Variants in TG observed in about 807,000 individuals in gnomAD.
The protein encoded by TG is thyroid hormones.
Under a neutral mutation model 324.7 loss-of-function variants are expected in TG, and 270 were observed. The ratio of observed to expected loss-of-function variants is 0.83; its 90% CI spans 0.75 to 0.92. The LOEUF (loss-of-function observed/expected upper bound fraction) is 0.92, where lower values mean the gene tolerates loss of function less well. Among genes scored for constraint, TG ranks in the 40% least tolerant of loss-of-function variants. The pLI, the probability that TG is intolerant of heterozygous loss-of-function variation, is 0.00. For missense variants in TG, 3,591 were observed against 3,456.4 expected (o/e 1.04, Z -0.98); for synonymous variants, 1,401 against 1,327.0 (o/e 1.06, Z -1.21).
chr8:133,066,909 C>A (rs1843112938), intron 41 of TG, among the ~76,000 whole-genome samples: 1 of 152,298 alleles, frequency 6.6e-6, no homozygotes, highest in Non-Finnish European at 1.5e-5. Flanking sequence ...CAAGCTTGAG[C>A]AAGTACCTTC....
At chr8:133,020,894 C>A (rs148730552) in intron 39 of TG, among the ~76,000 whole-genome samples, 1 of 152,108 alleles carries the variant, frequency 6.6e-6, no homozygotes, top group African/African-American at 2.4e-5. Context: ...TGAGGGGGCC[C>A]CTTTGTAGAA....
At position 132,929,034 on chromosome 8, in the gene TG, C is replaced by T. The variant is rs773631821; in HGVS notation, c.4700-42C>T. 8.4e-6 allele frequency: 13 copies of T among 1,540,886 alleles called. No individual in the cohort carries two copies. The East Asian group carries it at 2.5e-4, about 29-fold the overall frequency. The stretch of plus-strand genomic sequence containing the variant: ...TTATGGCTTCTCTGCAGATGCCCTA[C>T]ACCCTTCTGAGTCAGATTTACTAAA... On this transcript the variant is annotated intron_variant, in intron 22 of 47. Transcript: ENST00000220616.
At position 133,031,688 on chromosome 8, in the gene TG, C is replaced by T. The variant is rs11779877; in HGVS notation, c.7239+1665C>T. Among the ~76,000 whole-genome samples, 8 of 152,292 alleles carry T rather than the reference C, an allele frequency of 5.3e-5. No individual in the cohort carries two copies. The East Asian group carries it at 1.4e-3, about 26-fold the overall frequency. On this transcript the variant is annotated intron_variant, in intron 41 of 47. Transcript: ENST00000220616. ...TGTCATTGTTTGGGCGCAACTGATG[C>T]TAGGTCAGCATTGTCACCATTGCCA...
intron 10 of TG, among the ~76,000 whole-genome samples, chr8:132,892,773 A>C (rs1816414107): frequency 6.7e-6 from 1 of 149,070 alleles, no homozygotes; most frequent in Non-Finnish European, 1.5e-5. Flanking sequence ...TGGTATGTGC[A>C]TAGGTGTGTG....
intron 46 of TG, among the ~76,000 whole-genome samples, chr8:133,133,035 C>G (rs866171175): frequency 2.0e-5 from 3 of 152,146 alleles, no homozygotes; most frequent in African/African-American, 4.8e-5. Flanking sequence ...GCCTTTATCC[C>G]AACAGGTCTG....
intron 34 of TG, among the ~76,000 whole-genome samples, chr8:132,979,299 A>C (rs539580858): frequency 6.6e-6 from 1 of 152,350 alleles, no homozygotes; most frequent in East Asian, 1.9e-4. Flanking sequence ...CATTGTCTGC[A>C]AGTGGGGCAA....
Position 132,871,567 on chromosome 8 carries a change from C to T in TG, c.478+16C>T, listed in dbSNP as rs76266882. ...CCAAAGCGATGTGAGTTTCACTGAG[C>T]GCCTGCACCCCTAGAGCTGGGGAGG... On this transcript the variant is annotated intron_variant, in intron 4 of 47. Transcript: ENST00000220616. 9,753 of 1,610,676 alleles carry T rather than the reference C, an allele frequency of 6.1e-3. 243 individuals carry two copies. In the East Asian group the frequency reaches 0.081, roughly 13 times the overall value.
intron 23 of TG, among the ~76,000 whole-genome samples, chr8:132,929,598 C>T (rs1040376691): frequency 6.9e-6 from 1 of 144,418 alleles, no homozygotes; most frequent in Non-Finnish European, 1.5e-5. Flanking sequence ...CCATTGCTAT[C>T]CTGAGTTACA....
chr8:132,956,426 G>A (rs1375367745), intron 27 of TG, among the ~76,000 whole-genome samples: 1 of 152,172 alleles, frequency 6.6e-6, no homozygotes, highest in African/African-American at 2.4e-5. Flanking sequence ...GAAGATCTCT[G>A]AATACTGCAA....
intron 14 of TG, among the ~76,000 whole-genome samples, chr8:132,899,487 G>T (rs1159043705): frequency 6.6e-6 from 1 of 152,214 alleles, no homozygotes; most frequent in South Asian, 2.1e-4. Context: ...CACCCACTCT[G>T]CTCAGCTTCC....
chr8:133,040,142 A>G (rs1564103289), intron 41 of TG: 3 of 1,577,632 alleles, frequency 1.9e-6, no homozygotes, highest in East Asian at 4.6e-5. Context: ...TGAGGAGGGA[A>G]GCAGACAGCC....
intron 41 of TG, among the ~76,000 whole-genome samples, chr8:133,045,893 C>T (rs1414402397): frequency 6.6e-6 from 1 of 152,198 alleles, no homozygotes; most frequent in African/African-American, 2.4e-5. Context: ...TGCCACAGCA[C>T]ACATTTGAGG....
intron 41 of TG, chr8:133,037,571 A>G (rs1837318159): frequency 6.6e-6 from 1 of 150,886 alleles, no homozygotes; most frequent in African/African-American, 2.4e-5. Flanking sequence ...CTTTTTACAC[A>G]TTTGTTTATA....
intron 43 of TG, among the ~76,000 whole-genome samples, chr8:133,096,849 A>C (rs1848495105): frequency 6.6e-6 from 1 of 152,250 alleles, no homozygotes; most frequent in Non-Finnish European, 1.5e-5. Context: ...TGCACCTGGC[A>C]AACACGCAGC....
In TG at chr8:133,017,966, T is replaced by G. The variant is rs1342751413; in HGVS notation, c.6751T>G (p.Trp2251Gly). 4 of 1,614,054 alleles carry G rather than the reference T, an allele frequency of 2.5e-6. No homozygotes were observed. The African/African-American group carries it at 4.0e-5, about 16-fold the overall frequency. ...RRFQAPEPLNWTGSWDASKPR... is the reference protein window; with the variant it reads ...RRFQAPEPLNGTGSWDASKPR... ...CTTCCAGGCACCAGAGCCCTTGAAC[T>G]GGACAGGCTCCTGGGATGCCAGCAA... Residue 2251 changes from tryptophan (W) to glycine (G), a missense_variant, in exon 38 of 48, where the codon TGG (tryptophan) becomes GGG (glycine). Physicochemically the swap from Trp to Gly is radical, Grantham distance 184. Coordinates refer to ENST00000220616, the MANE Select transcript of TG (RefSeq NM_003235.5).
intron 43 of TG, among the ~76,000 whole-genome samples, chr8:133,106,690 C>A (rs1270339217): frequency 6.6e-6 from 1 of 152,186 alleles, no homozygotes; most frequent in East Asian, 1.9e-4. Flanking sequence ...CCCTCACTGC[C>A]CAGCACCCCC....
At position 132,894,443 on chromosome 8, in the gene TG, T is replaced by C. The variant is rs577480599; in HGVS notation, c.3001+514T>C. Among the ~76,000 whole-genome samples the C allele has an allele frequency of 2.2e-4, 33 of 151,494 alleles. 1 individual carries two copies. The East Asian group carries it at 6.2e-3, about 29-fold the overall frequency. Reference sequence around the variant, plus strand: ...GAGCCTGCAGTCCTCTGGTCTATAATAACAGCTGAACAGTATGCTTTTTTT... The same window carrying C: ...GAGCCTGCAGTCCTCTGGTCTATAACAACAGCTGAACAGTATGCTTTTTTT... On this transcript the variant is annotated intron_variant, in intron 11 of 47. Coordinates refer to ENST00000220616, the MANE Select transcript of TG (RefSeq NM_003235.5).
Position 132,960,068 on chromosome 8 carries a change from C to T in TG, c.5402-940C>T, listed in dbSNP as rs535489126. Among the ~76,000 whole-genome samples the T allele has an allele frequency of 1.8e-3, 274 of 152,256 alleles. 1 individual carries two copies. Among genetic ancestry groups the T allele is most frequent in the African/African-American group, 6.5e-3 (269 of 41,546 alleles). On this transcript the variant is annotated intron_variant, in intron 27 of 47. Coordinates refer to ENST00000220616, the MANE Select transcript of TG (RefSeq NM_003235.5). ...ATCAATAACTAGCTCTTCATTAGGA[C>T]AAATACCTAATGCATGCAGGGCTTA...
chr8:132,968,389 A>G (rs1828949266), intron 31 of TG, among the ~76,000 whole-genome samples: 1 of 152,232 alleles, frequency 6.6e-6, no homozygotes, highest in South Asian at 2.1e-4. Flanking sequence ...TAATACATGC[A>G]TCAGAATCCC....
Sources: gnomAD v4.1 joint callset for allele counts (sites outside exome capture counted in the v4.1 genomes callset) on GRCh38, gnomAD v4.1.1 for gene constraint, MANE v1.5 for transcripts, NCBI Gene and HGNC (gene_info 2026-07-23, HGNC 2026-07-21) for gene names.